The following HELZ variants were observed in gnomAD, a reference collection of about 807,000 sequenced individuals.
HELZ encodes ATP-dependent RNA helicase with zinc finger domain.
In HELZ, 23 loss-of-function variants were observed where a neutral mutation model predicts 218.2. That is an observed-to-expected ratio of 0.11 (90% CI 0.08 to 0.15). The LOEUF is 0.15. HELZ is among the 10% of genes least tolerant of loss of function. HELZ has a pLI of 1.00. For missense variants in HELZ, 1,813 were observed against 2,353.7 expected, an observed-to-expected ratio of 0.77 and a Z score of 4.75; for synonymous variants, 814 against 829.4, an observed-to-expected ratio of 0.98 and a Z score of 0.32.
intron 11 of HELZ, 55 bp downstream of exon 11, chr17:67,189,534 A>T (rs2039841265): frequency 1.8e-6 from 2 of 1,139,318 alleles, no homozygotes; most frequent in South Asian, 2.5e-5. Flanking sequence ...AGGTCAAAAA[A>T]ACGTTCAGAA....
chr17:67,083,310 C>T (rs1289935988), intron 32 of HELZ, among the ~76,000 whole-genome samples: 1 of 152,154 alleles, frequency 6.6e-6, no homozygotes. Flanking sequence ...TTCTCTGAAA[C>T]TATGAATTTC....
chr17:67,167,410 G>A, intron 14 of HELZ, 53 bp downstream of exon 14: 1 of 1,282,804 alleles, frequency 7.8e-7, no homozygotes, highest in Non-Finnish European at 1.1e-6. Flanking sequence ...AAGACTACGA[G>A]CTGATAATGA....
chr17:67,216,260 A>G (rs2040598212), intron 4 of HELZ, among the ~76,000 whole-genome samples: 1 of 152,114 alleles, frequency 6.6e-6, no homozygotes, highest in African/African-American at 2.4e-5. Flanking sequence ...GACTGTCACC[A>G]CCACGTCTCC....
rs1352207506 is a variant in HELZ at position 67,188,596 on chromosome 17, A to C, written c.885T>G (p.Arg295=). 1 of 1,613,402 alleles carries C rather than the reference A, an allele frequency of 6.2e-7. No individual in the cohort carries two copies. Among genetic ancestry groups the C allele is most frequent in the African/African-American group, 1.3e-5 (1 of 75,028 alleles). Residue 295 remains arginine, a synonymous_variant, in exon 12 of 33, where the codon CGT becomes CGG. Coordinates refer to ENST00000358691, the MANE Select transcript of HELZ (RefSeq NM_014877.4). This position sits in a 1 kb window ranked among gnomAD's most constrained non-coding sequence, Gnocchi z 4.1. The part of the protein sequence containing the change: ...LTCKPARMLY[R]VALLYDAHRP... ...GATGAGCATCATAAAGCAATGCTAC[A>C]CGATACAGCATTCTTGCAGGCTACA... is the stretch of plus-strand genomic sequence containing the variant.
intron 31 of HELZ, 152 bp downstream of exon 31, chr17:67,107,017 G>A: frequency 1.3e-6 from 1 of 749,136 alleles, no homozygotes; most frequent in Non-Finnish European, 2.1e-6. Flanking sequence ...AAATACAATA[G>A]GAGGGTGGCA....
rs2035937784 is a variant in HELZ, at chr17:67,073,169, A to ATTT, written c.*5082_*5083insAAA. ...TTCCCCTTTACTTCTCAAACATTAA[A>ATTT]AAAGTATTAATGAAAACACTTCATA... On this transcript the variant is annotated 3_prime_UTR_variant, in exon 33 of 33. Transcript: ENST00000358691. 6.6e-6 allele frequency: 1 copy of ATTT among 152,494 alleles called. No homozygotes were observed. The highest frequency in any genetic ancestry group is 1.5e-5 in the Non-Finnish European group (1 of 68,038). The allele number at this position is 152,494 out of a possible 1,614,324, so 9.4% of individuals were successfully genotyped here.
chr17:67,171,911 T>C (rs929301615), intron 13 of HELZ, among the ~76,000 whole-genome samples: 4 of 151,790 alleles, frequency 2.6e-5, no homozygotes, highest in Admixed American at 1.3e-4. Context: ...GGCTCACTGC[T>C]ACCTCCACCT....
intron 23 of HELZ, 57 bp from the exon 24 acceptor site, chr17:67,128,912 G>T: frequency 7.9e-7 from 1 of 1,271,392 alleles, no homozygotes; most frequent in South Asian, 1.2e-5. Flanking sequence ...TCACAGAAAT[G>T]AATATAAATA....
chr17:67,225,386 C>G (rs1187892238), intron 3 of HELZ: 6 of 165,802 alleles, frequency 3.6e-5, no homozygotes, highest in Non-Finnish European at 7.8e-5. Context: ...ACTTTTACCA[C>G]GACACTGATT....
upstream of HELZ, chr17:67,245,320 T>C: frequency 1.3e-6 from 1 of 776,598 alleles, no homozygotes; most frequent in Non-Finnish European, 1.6e-6. Context: ...CCGGGTGGAC[T>C]GCCGACCCCG....
At chr17:67,150,993 A>G in intron 18 of HELZ, 53 bp downstream of exon 18, 3 of 1,522,516 alleles carry the variant, frequency 2.0e-6, no homozygotes, top group African/African-American at 1.4e-5. Flanking sequence ...ATCCCAGTCT[A>G]AACTGAATTC....
intron 31 of HELZ, among the ~76,000 whole-genome samples, chr17:67,100,394 AAAGT>A (rs1198432861): frequency 2.0e-5 from 3 of 152,244 alleles, no homozygotes; most frequent in Non-Finnish European, 2.9e-5. Context: ...AAAGCTGATC[AAAGT>A]AAGTGACTTA....
At position 67,198,298 on chromosome 17, in the gene HELZ, A is replaced by G. The variant is rs548530176; in HGVS notation, c.430-2828T>C. On this transcript the variant is annotated intron_variant, in intron 7 of 32. Transcript: ENST00000358691. ...GTGCATTTCAGCAGTCAGCACCTGT[A>G]AGAATCAGTGACGACCCGCACGGGC... Among the ~76,000 whole-genome samples the G allele has an allele frequency of 2.0e-3, 306 of 152,358 alleles. 2 individuals are homozygous for G. Among genetic ancestry groups the G allele is most frequent in the Non-Finnish European group, 3.4e-3 (228 of 68,036 alleles).
rs1159334465 is a variant in HELZ, at chr17:67,188,535, C to T, written c.946G>A (p.Asp316Asn). Residue 316 changes from aspartate to asparagine, a missense_variant, in exon 12 of 33, where the codon GAT becomes AAT. Physicochemically the swap from Asp to Asn is conservative, Grantham distance 23. Transcript: ENST00000358691. The surrounding 1 kb of genome is among the most constrained non-coding windows in gnomAD (Gnocchi z 4.1). ...TCTTGTGATACCTGGGTAGTACTAT[C>T]TCCGGCAGATATTGCAATGATACTA... Reference protein sequence around the residue: ...HFSIIAISAGDSTTQVSQEVP... With the variant: ...HFSIIAISAGNSTTQVSQEVP... The T allele has an allele frequency of 1.2e-6, 2 of 1,613,654 alleles. No homozygotes were observed. The highest frequency in any genetic ancestry group is 2.2e-5 in the East Asian group (1 of 44,882).
At chr17:67,122,380 C>T (rs1171893282) in intron 26 of HELZ, among the ~76,000 whole-genome samples, 1 of 152,142 alleles carries the variant, frequency 6.6e-6, no homozygotes, top group Non-Finnish European at 1.5e-5. Context: ...CCCGCGTCTA[C>T]TAAAAATACA....
chr17:67,074,120 C>T lies in HELZ; in HGVS notation c.*4132G>A, dbSNP rs976409793. ...AATCAGATCCATTAAGACATTTATA[C>T]CTTGAGATTCAGGAAGACATATAGC... On this transcript the variant is annotated 3_prime_UTR_variant, in exon 33 of 33. Transcript: ENST00000358691. 6.6e-6 allele frequency: 1 copy of T among 152,016 alleles called. No individual in the cohort carries two copies. Among genetic ancestry groups the T allele is most frequent in the Non-Finnish European group, 1.5e-5 (1 of 68,002 alleles). 9.4% of individuals were successfully genotyped at this position (152,016 alleles called of 1,614,324 possible).
Position 67,138,112 on chromosome 17 carries a change from C to T in HELZ, c.2772G>A (p.Val924=). 6.2e-7 allele frequency: 1 copy of T among 1,607,990 alleles called. No homozygotes were observed. The highest frequency in any genetic ancestry group is 8.5e-7 in the Non-Finnish European group (1 of 1,176,414). Reference sequence around the variant, plus strand: ...CTTCTACACGTTCCACCACTTCAAACACCTTTAAAAACAAACACACACATA... The same window carrying T: ...CTTCTACACGTTCCACCACTTCAAATACCTTTAAAAACAAACACACACATA... The part of the protein sequence containing the change: ...NSTAFYNNAE[V]FEVVERVEEL... The change falls in exon 22 of 33, where the codon GTG becomes GTA. Residue 924 remains valine, a splice_region_variant and synonymous_variant. Transcript: ENST00000358691.
chr17:67,187,913 C>G (rs2039799805), intron 12 of HELZ, among the ~76,000 whole-genome samples: 2 of 152,180 alleles, frequency 1.3e-5, no homozygotes, highest in South Asian at 4.1e-4. Flanking sequence ...AATGTACTAA[C>G]ATCAGCAAAG....
chr17:67,133,984 C>T (rs1300651029), intron 23 of HELZ, among the ~76,000 whole-genome samples: 1 of 152,162 alleles, frequency 6.6e-6, no homozygotes, highest in African/African-American at 2.4e-5. Flanking sequence ...ACGAAATATA[C>T]TTACAATGAC....
Sources: gnomAD v4.1 joint callset for allele counts (sites outside exome capture counted in the v4.1 genomes callset) on GRCh38, gnomAD v4.1.1 for gene constraint, Gnocchi (gnomAD v3.1) non-coding constraint, MANE v1.5 for transcripts, NCBI Gene and HGNC (gene_info 2026-07-23, HGNC 2026-07-21) for gene names.